MATCAP1: variants seen among roughly 807,000 people sequenced by gnomAD.
The protein encoded by MATCAP1 is microtubule-associated tyrosine carboxypeptidase 1.
At chr16:67,178,766 C>T in the MATCAP1 span, 1 of 686,402 alleles carries the variant, frequency 1.5e-6, no homozygotes, top group Non-Finnish European at 2.7e-6. Flanking sequence ...CCTACACCCA[C>T]GCACCCACAC....
the MATCAP1 span, chr16:67,176,790 G>A: frequency 2.6e-6 from 4 of 1,546,572 alleles, no homozygotes; most frequent in Non-Finnish European, 3.5e-6. The surrounding 1 kb of genome is among the most constrained non-coding windows in gnomAD (Gnocchi z 4.3). Context: ...CAGGGCCTCT[G>A]ACTGCAGCCC....
At chr16:67,180,871 T>C in the MATCAP1 span, among the ~76,000 whole-genome samples, 1 of 152,202 alleles carries the variant, frequency 6.6e-6, no homozygotes, top group Non-Finnish European at 1.5e-5. Flanking sequence ...GTTTTCGTTT[T>C]TGTTTTTTGA....
chr16:67,180,652 C>G, the MATCAP1 span: 1 of 1,421,034 alleles, frequency 7.0e-7, no homozygotes. Flanking sequence ...CTCCAACTCC[C>G]CACACTGTCG....
chr16:67,183,034 T>G, the MATCAP1 span, among the ~76,000 whole-genome samples: 1 of 152,330 alleles, frequency 6.6e-6, no homozygotes, highest in African/African-American at 2.4e-5. Flanking sequence ...AGAGCTCTTC[T>G]TTCAGAACTA....
chr16:67,177,895 C>T, the MATCAP1 span: 9 of 870,084 alleles, frequency 1.0e-5, no homozygotes, highest in South Asian at 7.4e-5. Context: ...CACGCTCCCC[C>T]CTACCACCAC....
the MATCAP1 span, chr16:67,178,421 C>G: frequency 7.1e-6 from 11 of 1,540,422 alleles, no homozygotes; most frequent in Non-Finnish European, 9.6e-6. Context: ...GTGGGGTTCG[C>G]CGGCCGCAGC....
chr16:67,178,174 G>A, the MATCAP1 span: 1 of 1,542,036 alleles, frequency 6.5e-7, no homozygotes. Flanking sequence ...CCGGCTCTAG[G>A]CACCTCCCCC....
At chr16:67,179,756 C>T in the MATCAP1 span, 57,122 of 1,603,798 alleles carry the variant, frequency 0.036, 1,254 homozygotes, top group Middle Eastern at 0.095. This position sits in a 1 kb window ranked among gnomAD's most constrained non-coding sequence, Gnocchi z 5.2. Context: ...GACCTGGGAC[C>T]GCCCACAAGA....
the MATCAP1 span, chr16:67,180,096 A>G: frequency 5.0e-6 from 8 of 1,614,210 alleles, no homozygotes; most frequent in Admixed American, 1.7e-5. Context: ...AGCCGTGGGC[A>G]TGGGCTCCTG....
chr16:67,177,370 C>T, the MATCAP1 span, among the ~76,000 whole-genome samples: 922 of 152,254 alleles, frequency 6.1e-3, 8 homozygotes, highest in African/African-American at 0.021. Flanking sequence ...GTCAGATTCC[C>T]GGGAGGGGGC....
the MATCAP1 span, chr16:67,178,241 A>G: frequency 2.6e-6 from 4 of 1,554,882 alleles, no homozygotes; most frequent in Non-Finnish European, 3.5e-6. Flanking sequence ...GCGCGCACGC[A>G]GTACTCCCAG....
At chr16:67,175,748 G>C in the MATCAP1 span, 1 of 152,242 alleles carries the variant, frequency 6.6e-6, no homozygotes, top group Non-Finnish European at 1.5e-5. Flanking sequence ...CTGCGTTTCT[G>C]AGTTTTACAG....
chr16:67,180,895 T>G, the MATCAP1 span, among the ~76,000 whole-genome samples: 1 of 152,198 alleles, frequency 6.6e-6, no homozygotes, highest in Non-Finnish European at 1.5e-5. Flanking sequence ...AGGGTCTCAC[T>G]CTGTTGCCCA....
the MATCAP1 span, chr16:67,177,977 G>T: frequency 6.4e-7 from 1 of 1,574,134 alleles, no homozygotes; most frequent in Non-Finnish European, 8.7e-7. Flanking sequence ...GCAGGGAGCT[G>T]GCTGGGACCT....
chr16:67,180,718 C>T, the MATCAP1 span: 60 of 710,826 alleles, frequency 8.4e-5, no homozygotes, highest in South Asian at 9.8e-4. Context: ...TGTGACCAAA[C>T]GACCAGCAGG....
At chr16:67,182,577 T>C in the MATCAP1 span, among the ~76,000 whole-genome samples, 3 of 152,248 alleles carry the variant, frequency 2.0e-5, no homozygotes, top group Non-Finnish European at 2.9e-5. Flanking sequence ...TCAAGCAATC[T>C]TCCCACCTCA....
At chr16:67,177,921 C>G in the MATCAP1 span, 1 of 1,145,068 alleles carries the variant, frequency 8.7e-7, no homozygotes, top group Non-Finnish European at 1.3e-6. Context: ...TGACACCCAG[C>G]CCTCGGTCTA....
chr16:67,176,754 C>T, the MATCAP1 span: 1 of 1,461,620 alleles, frequency 6.8e-7, no homozygotes, highest in Non-Finnish European at 9.1e-7. The surrounding 1 kb of genome is among the most constrained non-coding windows in gnomAD (Gnocchi z 4.3). Flanking sequence ...GCTTCATGTT[C>T]TAGGGGCCTA....
the MATCAP1 span, chr16:67,176,053 CAGTGTGTGTGTGTGTGTGTG>C: frequency 1.7e-5 from 2 of 120,560 alleles, no homozygotes; most frequent in South Asian, 2.8e-4. This position sits in a 1 kb window ranked among gnomAD's most constrained non-coding sequence, Gnocchi z 4.3. Flanking sequence ...AGGCCTGAAT[CAGTGTGTGTGTGTGTGTGTG>C]TGTGTGTGTG....
Sources: gnomAD v4.1 joint callset for allele counts (sites outside exome capture counted in the v4.1 genomes callset) on GRCh38, gnomAD v4.1.1 for gene constraint, Gnocchi (gnomAD v3.1) non-coding constraint, MANE v1.5 for transcripts, NCBI Gene and HGNC (gene_info 2026-07-23, HGNC 2026-07-21) for gene names.